The following MEDAG variants were observed in gnomAD, a reference collection of about 807,000 sequenced individuals.
MEDAG encodes the protein mesenteric estrogen dependent adipogenesis.
In MEDAG, 25 loss-of-function variants were observed where a neutral mutation model predicts 29.9. That is an observed-to-expected ratio of 0.84 (90% CI 0.61 to 1.17). MEDAG has a LOEUF of 1.17. Among genes scored for constraint, MEDAG ranks in the 50% most tolerant of loss-of-function variants. The probability of loss-of-function intolerance (pLI) is 0.00; values close to 1 mark genes in which losing one functional copy is unlikely to be tolerated. For synonymous variants in MEDAG, 158 were observed against 148.2 expected, an observed-to-expected ratio of 1.07 and a Z score of -0.48; for missense variants, 398 against 372.9, an observed-to-expected ratio of 1.07 and a Z score of -0.56.
At position 30,906,763 on chromosome 13, in the gene MEDAG, A is replaced by G; in HGVS notation, c.248A>G (p.Gln83Arg). The change falls in exon 1 of 5, where the codon CAG (glutamine) becomes CGG (arginine). Residue 83 changes from glutamine (Q) to arginine (R), a missense_variant. Gln to Arg is a conservative substitution (Grantham distance 43). Coordinates refer to ENST00000380482, the MANE Select transcript of MEDAG (RefSeq NM_032849.4). ...FGDGLVRLDG[Q>R]LYRLSSYIKR... The stretch of plus-strand genomic sequence containing the variant: ...GACGGCCTCGTGCGCCTCGACGGGC[A>G]GCTCTACCGCCTCAGCAGCTACATC... 1.3e-6 allele frequency: 2 copies of G among 1,509,534 alleles called. No homozygotes were observed. The highest frequency in any genetic ancestry group is 1.8e-6 in the Non-Finnish European group (2 of 1,139,290). The allele number at this position is 1,509,534 out of a possible 1,614,324, so 93.5% of individuals were successfully genotyped here. A position where few individuals can be genotyped will look rare whatever the true frequency, so the allele number is the denominator to read the frequency against.
chr13:30,923,570 G>T (rs1330893151), intron 4 of MEDAG, among the ~76,000 whole-genome samples: 1 of 152,098 alleles, frequency 6.6e-6, no homozygotes, highest in African/African-American at 2.4e-5. Context: ...CTGCTCTGTT[G>T]CAATCATGTG....
intron 2 of MEDAG, among the ~76,000 whole-genome samples, 185 bp downstream of exon 2, chr13:30,917,697 A>G (rs1047985871): frequency 5.3e-5 from 8 of 152,160 alleles, no homozygotes; most frequent in Admixed American, 5.2e-4. Flanking sequence ...CACGTCTTAC[A>G]TGGAGCAGGG....
chr13:30,915,363 C>T (rs866730089), intron 1 of MEDAG, among the ~76,000 whole-genome samples: 7 of 152,132 alleles, frequency 4.6e-5, no homozygotes, highest in Admixed American at 2.6e-4. Context: ...GAGGGACGGG[C>T]GAGCACAGGG....
At position 30,917,497 on chromosome 13, in the gene MEDAG, A is replaced by G. The variant is rs1483574502; in HGVS notation, c.373A>G (p.Lys125Glu). 6.3e-7 allele frequency: 1 copy of G among 1,585,744 alleles called. No individual in the cohort carries two copies. Among genetic ancestry groups the G allele is most frequent in the Non-Finnish European group, 8.7e-7 (1 of 1,154,490 alleles). ...MLFFINVQTKKDTSKERTYAF... is the reference protein window; with the variant it reads ...MLFFINVQTKEDTSKERTYAF... ...GTTCTTTATTAATGTACAGACCAAA[A>G]AAGACACCTCAAAAGGTAAGTATCT... The change falls in exon 2 of 5, where the codon AAA (lysine) becomes GAA (glutamate). Residue 125 changes from lysine to glutamate, a missense_variant. By Grantham distance (56) the Lys-to-Glu change is moderately conservative. Coordinates refer to ENST00000380482, the MANE Select transcript of MEDAG (RefSeq NM_032849.4).
Position 30,906,566 on chromosome 13 carries a change from C to T in MEDAG, c.51C>T (p.Ile17=), listed in dbSNP as rs1211906008. Residue 17 remains isoleucine, a synonymous_variant, in exon 1 of 5, where the codon ATC becomes ATT. Transcript: ENST00000380482. ...EPVARPSLTS[I]SSGELRSLWT... ...TGGCCAGGCCGAGCCTGACCTCCAT[C>T]TCGTCTGGGGAGCTTCGCAGCCTGT... The T allele has an allele frequency of 4.4e-6, 7 of 1,573,706 alleles. No individual in the cohort carries two copies. Among genetic ancestry groups the T allele is most frequent in the South Asian group, 2.3e-5 (2 of 87,714 alleles).
At chr13:30,917,311 T>C in intron 1 of MEDAG, 92 bp from the exon 2 acceptor site, 1 of 784,970 alleles carries the variant, frequency 1.3e-6, no homozygotes, top group South Asian at 1.4e-5. Flanking sequence ...CTCCAAGGTC[T>C]GTGGCTGTGG....
chr13:30,919,545 A>G lies in MEDAG; in HGVS notation c.389-1469A>G, dbSNP rs145104259. Among the ~76,000 whole-genome samples, 4 of 152,286 alleles carry G rather than the reference A, an allele frequency of 2.6e-5. No individual in the cohort carries two copies. In the East Asian group the frequency reaches 7.7e-4, roughly 29 times the overall value. On this transcript the variant is annotated intron_variant, in intron 2 of 4. Coordinates refer to ENST00000380482, the MANE Select transcript of MEDAG (RefSeq NM_032849.4). ...ATCAAGGAGTTTGCTTGCTTTGTTT[A>G]TCTATTGTCTTAAAGAGGATATAAG...
At chr13:30,918,290 G>A (rs1287482238) in intron 2 of MEDAG, among the ~76,000 whole-genome samples, 2 of 152,154 alleles carry the variant, frequency 1.3e-5, no homozygotes, top group African/African-American at 4.8e-5. Context: ...AATTCAGGAC[G>A]TTATGAACAT....
Position 30,914,948 on chromosome 13 carries a change from T to C in MEDAG, c.279-2455T>C, listed in dbSNP as rs115482463. Among the ~76,000 whole-genome samples the C allele has an allele frequency of 2.2e-3, 328 of 152,282 alleles. 2 individuals carry two copies. Among genetic ancestry groups the C allele is most frequent in the African/African-American group, 7.3e-3 (304 of 41,554 alleles). Reference sequence around the variant, plus strand: ...AGAATAGAGGAATCTCCCCGAGGAATGTAGTAAAGGAGCTGAAATGACCAT... The same window carrying C: ...AGAATAGAGGAATCTCCCCGAGGAACGTAGTAAAGGAGCTGAAATGACCAT... On this transcript the variant is annotated intron_variant, in intron 1 of 4. Coordinates refer to ENST00000380482, the MANE Select transcript of MEDAG (RefSeq NM_032849.4).
intron 1 of MEDAG, among the ~76,000 whole-genome samples, chr13:30,910,156 A>G (rs889645319): frequency 2.6e-5 from 4 of 151,084 alleles, no homozygotes; most frequent in African/African-American, 9.7e-5. Flanking sequence ...TTCAATACTT[A>G]AAAGTCAAAA....
chr13:30,920,936 C>T (rs1026900806), intron 2 of MEDAG, 78 bp from the exon 3 acceptor site: 3 of 1,172,600 alleles, frequency 2.6e-6, no homozygotes, highest in African/African-American at 3.0e-5. Context: ...GTGGGAACCA[C>T]TGCAATAGCA....
At chr13:30,911,327 T>C (rs1952879974) in intron 1 of MEDAG, among the ~76,000 whole-genome samples, 1 of 152,136 alleles carries the variant, frequency 6.6e-6, no homozygotes, top group Non-Finnish European at 1.5e-5. Context: ...CTGATGAGTC[T>C]ACAGCAATGT....
intron 2 of MEDAG, 128 bp from the exon 3 acceptor site, chr13:30,920,886 C>A: frequency 1.4e-6 from 1 of 716,122 alleles, no homozygotes; most frequent in Non-Finnish European, 2.4e-6. Flanking sequence ...TGTGAGGGAG[C>A]AGAGAGGAAG....
intron 1 of MEDAG, among the ~76,000 whole-genome samples, chr13:30,910,220 G>GCACACACACA (rs1952869712): frequency 1.5e-5 from 1 of 68,590 alleles, no homozygotes; most frequent in Non-Finnish European, 3.6e-5. Flanking sequence ...ACACACACAT[G>GCACACACACA]TTTTTTCCTA....
intron 1 of MEDAG, among the ~76,000 whole-genome samples, chr13:30,911,339 C>T (rs529127608): frequency 2.6e-4 from 40 of 152,092 alleles, no homozygotes; most frequent in Admixed American, 7.9e-4. Flanking sequence ...CAGCAATGTG[C>T]CACCTGACCA....
intron 1 of MEDAG, chr13:30,909,116 C>CAAA (rs10708028): frequency 0.11 from 8,829 of 83,412 alleles, 466 homozygotes; most frequent in Non-Finnish European, 0.15. Context: ...GACCCTGTCT[C>CAAA]AAAAAAAAAA....
intron 1 of MEDAG, chr13:30,916,713 A>T (rs1316582983): frequency 6.6e-6 from 1 of 152,286 alleles, no homozygotes; most frequent in Non-Finnish European, 1.5e-5. Context: ...TGCTTGGAAG[A>T]TGTGAAGGGC....
At chr13:30,910,532 C>T (rs1170987781) in intron 1 of MEDAG, among the ~76,000 whole-genome samples, 1 of 152,200 alleles carries the variant, frequency 6.6e-6, no homozygotes, top group Non-Finnish European at 1.5e-5. Flanking sequence ...CCAGGAGAAC[C>T]TATGCTTTCA....
At chr13:30,914,760 T>A (rs1952911347) in intron 1 of MEDAG, among the ~76,000 whole-genome samples, 1 of 152,198 alleles carries the variant, frequency 6.6e-6, no homozygotes, top group African/African-American at 2.4e-5. Context: ...ATCTGTGGGA[T>A]CACTGACCCA....
Sources: allele counts gnomAD v4.1 joint callset (sites outside exome capture counted in the v4.1 genomes callset), GRCh38; gene constraint gnomAD v4.1.1; transcripts MANE v1.5; gene names NCBI Gene and HGNC (gene_info 2026-07-23, HGNC 2026-07-21).